Variants in ARHGAP10 observed in about 807,000 individuals in gnomAD.
ARHGAP10 encodes the protein Rho GTPase activating protein 10.
ARHGAP10 carries 87 observed loss-of-function variants against 108.6 expected under a neutral mutation model. The observed-to-expected ratio is 0.80, with a 90% confidence interval of 0.67 to 0.96. The LOEUF is 0.96. Ranked by LOEUF, ARHGAP10 falls within the 40% of genes least tolerant of loss-of-function variation. The probability of loss-of-function intolerance (pLI) is 0.00; values close to 1 mark genes in which losing one functional copy is unlikely to be tolerated. For synonymous variants in ARHGAP10, 347 were observed against 341.1 expected, an observed-to-expected ratio of 1.02 and a Z score of -0.19; for missense variants, 939 against 954.5, an observed-to-expected ratio of 0.98 and a Z score of 0.21.
chr4:148,018,500 A>C (rs1329421960), intron 18 of ARHGAP10, among the ~76,000 whole-genome samples: 1 of 151,998 alleles, frequency 6.6e-6, no homozygotes, highest in Non-Finnish European at 1.5e-5. Flanking sequence ...CTTCTTGTAG[A>C]TCTAAAAACA....
At chr4:147,918,282 C>A (rs547146434) in intron 13 of ARHGAP10, among the ~76,000 whole-genome samples, 1 of 151,854 alleles carries the variant, frequency 6.6e-6, no homozygotes, top group African/African-American at 2.4e-5. Context: ...ACTACAGGTG[C>A]CCGCCACGAA....
chr4:147,873,419 A>G (rs753970277), intron 7 of ARHGAP10, among the ~76,000 whole-genome samples: 4 of 151,994 alleles, frequency 2.6e-5, no homozygotes, highest in Non-Finnish European at 4.4e-5. Flanking sequence ...ATATATGCAT[A>G]TGTGTATATA....
intron 18 of ARHGAP10, among the ~76,000 whole-genome samples, chr4:147,977,883 CT>C (rs956837112): frequency 6.6e-6 from 1 of 151,960 alleles, no homozygotes; most frequent in African/African-American, 2.4e-5. Context: ...CAAGATTTAG[CT>C]TCCACTTATA....
In ARHGAP10 at chr4:147,913,069, TGTAG is replaced by T. The variant is rs758354009; in HGVS notation, c.1163-4_1163-1del. On this transcript the variant is annotated splice_acceptor_variant and splice_polypyrimidine_tract_variant and intron_variant, in intron 12 of 22. Coordinates refer to ENST00000336498, the MANE Select transcript of ARHGAP10 (RefSeq NM_024605.4). LOFTEE classifies it high-confidence loss of function. ...ACACTTAATGTTTTAAACTGTTTCTTGTAGATGCACAGTTGGATAAGATGGGGTT... is the reference window on the plus strand; with the variant it reads ...ACACTTAATGTTTTAAACTGTTTCTTATGCACAGTTGGATAAGATGGGGTT... The T allele has an allele frequency of 1.2e-6, 2 of 1,611,934 alleles. No homozygotes were observed. Among genetic ancestry groups the T allele is most frequent in the African/African-American group, 2.7e-5 (2 of 74,870 alleles).
chr4:147,874,389 A>G (rs2126860888), intron 7 of ARHGAP10, among the ~76,000 whole-genome samples: 1 of 152,310 alleles, frequency 6.6e-6, no homozygotes, highest in Middle Eastern at 3.4e-3. Flanking sequence ...TGGCACACCA[A>G]GTGTCCTGGG....
At chr4:147,756,141 A>G (rs1729363957) in intron 1 of ARHGAP10, among the ~76,000 whole-genome samples, 1 of 151,840 alleles carries the variant, frequency 6.6e-6, no homozygotes, top group African/African-American at 2.4e-5. Flanking sequence ...AAAAAAAAAA[A>G]AAAAGAAAAA....
intron 10 of ARHGAP10, among the ~76,000 whole-genome samples, chr4:147,900,763 A>T (rs930648463): frequency 6.6e-6 from 1 of 151,986 alleles, no homozygotes. Context: ...CAAAGATGTG[A>T]TTGCTATTTT....
chr4:147,836,231 CT>C (rs571666120), intron 3 of ARHGAP10, among the ~76,000 whole-genome samples: 32 of 151,436 alleles, frequency 2.1e-4, no homozygotes, highest in Admixed American at 7.2e-4. Flanking sequence ...ATACATTGAC[CT>C]TTTTTTTTAT....
intron 10 of ARHGAP10, among the ~76,000 whole-genome samples, chr4:147,902,643 A>C (rs1736296866): frequency 6.6e-6 from 1 of 152,088 alleles, no homozygotes; most frequent in Non-Finnish European, 1.5e-5. Flanking sequence ...CCAGAGGCTG[A>C]GGTAGGAGAA....
At chr4:148,057,638 G>T (rs1729419802) in intron 20 of ARHGAP10, among the ~76,000 whole-genome samples, 1 of 152,250 alleles carries the variant, frequency 6.6e-6, no homozygotes, top group African/African-American at 2.4e-5. Flanking sequence ...ATCAGCTTCA[G>T]CATTAGCTCC....
intron 1 of ARHGAP10, among the ~76,000 whole-genome samples, chr4:147,781,813 A>G (rs929215865): frequency 2.0e-5 from 3 of 150,886 alleles, no homozygotes; most frequent in Non-Finnish European, 4.4e-5. Flanking sequence ...ATTTGTTATT[A>G]TAAGTGATAG....
intron 18 of ARHGAP10, among the ~76,000 whole-genome samples, chr4:148,003,455 A>C (rs1218085930): frequency 6.6e-6 from 1 of 152,094 alleles, no homozygotes; most frequent in Non-Finnish European, 1.5e-5. Context: ...GCTGAGTTTA[A>C]TTCCTGGATA....
intron 1 of ARHGAP10, among the ~76,000 whole-genome samples, chr4:147,793,320 A>AT (rs34193686): frequency 0.016 from 2,253 of 145,340 alleles, 20 homozygotes; most frequent in South Asian, 0.031. Context: ...ATATATATAT[A>AT]TTTTTTTTTT....
chr4:148,064,524 G>GTTAGA lies in ARHGAP10; in HGVS notation c.2272+17_2272+18insTTAGA. On this transcript the variant is annotated intron_variant, in intron 22 of 22. Transcript: ENST00000336498. ...TTGAGGATGGTAAGTGTTAGTGGGAGCTTCGTCTGTTAATCCTGTCCGCAG... is the reference window on the plus strand; with the variant it reads ...TTGAGGATGGTAAGTGTTAGTGGGAGTTAGACTTCGTCTGTTAATCCTGTCCGCAG... 1 of 1,605,676 alleles carries GTTAGA rather than the reference G, an allele frequency of 6.2e-7. No homozygotes were observed. The highest frequency in any genetic ancestry group is 8.5e-7 in the Non-Finnish European group (1 of 1,172,386).
rs145399420 is a variant in ARHGAP10, at chr4:148,063,220, A to G, written c.2100A>G (p.Ser700=). The part of the protein sequence containing the change: ...PQSPTTTSSN[S]AVTPLSPGSS... ...CTCCAACCACAACAAGCTCCAACTCAGCTGTGACACCTCTTTCACCCGGGT... is the reference window on the plus strand; with the variant it reads ...CTCCAACCACAACAAGCTCCAACTCGGCTGTGACACCTCTTTCACCCGGGT... The change falls in exon 21 of 23, where the codon TCA becomes TCG. Residue 700 remains serine, a synonymous_variant. Coordinates refer to ENST00000336498, the MANE Select transcript of ARHGAP10 (RefSeq NM_024605.4). 2 of 1,614,038 alleles carry G rather than the reference A, an allele frequency of 1.2e-6. No individual in the cohort carries two copies. The highest frequency in any genetic ancestry group is 2.7e-5 in the African/African-American group (2 of 74,902).
intron 15 of ARHGAP10, among the ~76,000 whole-genome samples, chr4:147,949,074 T>A (rs558650467): frequency 6.6e-6 from 1 of 152,344 alleles, no homozygotes; most frequent in East Asian, 1.9e-4. Flanking sequence ...TTGTCCCACT[T>A]TTTAATGATA....
At position 148,062,363 on chromosome 4, in the gene ARHGAP10, G is replaced by A. The variant is rs372088597; in HGVS notation, c.2028-785G>A. Among the ~76,000 whole-genome samples the A allele has an allele frequency of 1.6e-3, 248 of 152,356 alleles. 10 individuals carry two copies. In the South Asian group the frequency reaches 0.049, roughly 30 times the overall value. On this transcript the variant is annotated intron_variant, in intron 20 of 22. Coordinates refer to ENST00000336498, the MANE Select transcript of ARHGAP10 (RefSeq NM_024605.4). ...TAGCAGAAGACGGGGTATCTTAGGT[G>A]AAGAGCACCTGGGTGCTGCAGACAG... is the stretch of plus-strand genomic sequence containing the variant.
At chr4:147,959,209 G>C (rs1472772473) in intron 16 of ARHGAP10, among the ~76,000 whole-genome samples, 2 of 151,770 alleles carry the variant, frequency 1.3e-5, no homozygotes, top group Non-Finnish European at 2.9e-5. Context: ...AGAAAAAAAT[G>C]GTTTTATTTA....
At chr4:147,955,424 G>T in intron 16 of ARHGAP10, 50 bp downstream of exon 16, 3 of 1,488,662 alleles carry the variant, frequency 2.0e-6, no homozygotes, top group Non-Finnish European at 2.7e-6. Context: ...TTGGTAGTGA[G>T]CATAAACGAA....
Sources: allele counts gnomAD v4.1 joint callset (sites outside exome capture counted in the v4.1 genomes callset), GRCh38; gene constraint gnomAD v4.1.1; transcripts MANE v1.5; gene names NCBI Gene and HGNC (gene_info 2026-07-23, HGNC 2026-07-21).